Variants in DPF3 observed in about 807,000 individuals in gnomAD.
DPF3 encodes zinc finger protein DPF3.
DPF3 carries 18 observed loss-of-function variants against 56.8 expected under a neutral mutation model. The ratio of observed to expected loss-of-function variants is 0.32; its 90% CI spans 0.22 to 0.47. The LOEUF (loss-of-function observed/expected upper bound fraction) is 0.47, where lower values mean the gene tolerates loss of function less well. Ranked by LOEUF, DPF3 falls within the 20% of genes least tolerant of loss-of-function variation. The pLI, the probability that DPF3 is intolerant of heterozygous loss-of-function variation, is 1.00. For synonymous variants in DPF3, 188 were observed against 180.2 expected, an observed-to-expected ratio of 1.04 and a Z score of -0.35; for missense variants, 403 against 488.8, an observed-to-expected ratio of 0.82 and a Z score of 1.65.
At position 72,806,211 on chromosome 14, in the gene DPF3, C is replaced by G. The variant is rs142819244; in HGVS notation, c.33-34318G>C. Among the ~76,000 whole-genome samples the G allele has an allele frequency of 2.6e-5, 4 of 152,288 alleles. No individual in the cohort carries two copies. In the East Asian group the frequency reaches 7.7e-4, roughly 29 times the overall value. ...CCCGTTCCCCTCAGCTCTTAGCCAT[C>G]CTTCCTCAGATGCTACTTTTTCATA... is the stretch of plus-strand genomic sequence containing the variant. On this transcript the variant is annotated intron_variant, in intron 1 of 10. Transcript: ENST00000556509.
intron 1 of DPF3, among the ~76,000 whole-genome samples, chr14:72,852,988 A>AT (rs887171385): frequency 8.7e-5 from 13 of 149,240 alleles, no homozygotes; most frequent in African/African-American, 3.0e-4. Flanking sequence ...CCTACAGCTG[A>AT]TTTTTTTTTA....
Position 72,771,821 on chromosome 14 carries a change from G to A in DPF3, c.105C>T (p.Arg35=), listed in dbSNP as rs1233184991. The A allele has an allele frequency of 1.2e-6, 2 of 1,613,858 alleles. No individual in the cohort carries two copies. The highest frequency in any genetic ancestry group is 1.1e-5 in the South Asian group (1 of 91,064). ...AGTCCAGGAAGGGAAGACGCACGCTGCGCTCTGCACACAGCCGTGAGTTGT... is the reference window on the plus strand; with the variant it reads ...AGTCCAGGAAGGGAAGACGCACGCTACGCTCTGCACACAGCCGTGAGTTGT... ...RSYNSRLCAE[R]SVRLPFLDSQ... Residue 35 remains arginine (R), a synonymous_variant, in exon 2 of 11, where the codon CGC becomes CGT. Coordinates refer to ENST00000556509, the MANE Select transcript of DPF3 (RefSeq NM_001280542.3).
intron 7 of DPF3, among the ~76,000 whole-genome samples, chr14:72,690,027 G>T (rs567163232): frequency 6.6e-6 from 1 of 152,244 alleles, no homozygotes; most frequent in East Asian, 1.9e-4. Flanking sequence ...CCTTGGCCAG[G>T]CAAATGATCC....
At position 72,619,218 on chromosome 14, in the gene DPF3, G is replaced by A. The variant is rs11844834; in HGVS notation, c.*79C>T. 44,526 of 1,393,966 alleles carry A rather than the reference G, an allele frequency of 0.032. 1,316 individuals carry two copies. The highest frequency in any genetic ancestry group is 0.14 in the East Asian group (5,725 of 39,870). 86.3% of individuals were successfully genotyped at this position (1,393,966 alleles called of 1,614,324 possible). ...TGCAGTTGGTCTGGCTGGATATGTG[G>A]GAGGAGGGCGCGTTCTGGTTTGAAC... On this transcript the variant is annotated 3_prime_UTR_variant, in exon 11 of 11. Coordinates refer to ENST00000556509, the MANE Select transcript of DPF3 (RefSeq NM_001280542.3).
chr14:72,756,852 GAAA>G lies in DPF3; in HGVS notation c.194-3484_194-3482del, dbSNP rs1890820346. Reference sequence around the variant, plus strand: ...AGAAAGAAAGAAAGAAAGAAAGAAAGAAAGAAAGAAAGAAAGAAAGGAAGGAAA... The same window carrying G: ...AGAAAGAAAGAAAGAAAGAAAGAAAGGAAAGAAAGAAAGAAAGGAAGGAAA... On this transcript the variant is annotated intron_variant, in intron 2 of 10. Transcript: ENST00000556509. Among the ~76,000 whole-genome samples the G allele has an allele frequency of 5.7e-4, 50 of 87,200 alleles. 1 individual carries two copies. Among genetic ancestry groups the G allele is most frequent in the Middle Eastern group, 9.0e-3 (2 of 222 alleles). 57.2% of individuals were successfully genotyped at this position (87,200 alleles called of 152,430 possible). A position where few individuals can be genotyped will look rare whatever the true frequency, so the allele number is the denominator to read the frequency against.
chr14:72,672,558 G>A (rs1567196181), intron 8 of DPF3, among the ~76,000 whole-genome samples: 1 of 152,308 alleles, frequency 6.6e-6, no homozygotes, highest in Admixed American at 6.5e-5. Context: ...CTTGGCAAAT[G>A]CAGTGAGAAT....
rs373920187 is a variant in DPF3 at position 72,753,336 on chromosome 14, G to A, written c.229C>T (p.Arg77Cys). ...AATCGTCTCTTCTTGCGCCAGCAGC[G>A]GGCAGGGTATGTATACAGCTGGCCC... ...APGQLYTYPA[R>C]CWRKKRRLHP... The change falls in exon 3 of 11, where the codon CGC (arginine) becomes TGC (cysteine). Residue 77 changes from arginine to cysteine, a missense_variant. Coordinates refer to ENST00000556509, the MANE Select transcript of DPF3 (RefSeq NM_001280542.3). The A allele has an allele frequency of 3.1e-6, 5 of 1,613,140 alleles. No homozygotes were observed. The highest frequency in any genetic ancestry group is 2.7e-5 in the African/African-American group (2 of 74,904).
chr14:72,749,824 G>T lies in DPF3; in HGVS notation c.301+3440C>A, dbSNP rs116300364. 6.2e-3 allele frequency among the ~76,000 whole-genome samples: 943 copies of T among 151,682 alleles called. 12 individuals carry two copies. Among genetic ancestry groups the T allele is most frequent in the African/African-American group, 0.022 (905 of 41,302 alleles). ...GCTGTGATCGTGCCACTGCAGCCAGGGTGACAGAGTGAGACCCTGTTTAAA... is the reference window on the plus strand; with the variant it reads ...GCTGTGATCGTGCCACTGCAGCCAGTGTGACAGAGTGAGACCCTGTTTAAA... On this transcript the variant is annotated intron_variant, in intron 3 of 10. Coordinates refer to ENST00000556509, the MANE Select transcript of DPF3 (RefSeq NM_001280542.3).
chr14:72,657,805 A>G (rs1360576098), intron 8 of DPF3, among the ~76,000 whole-genome samples: 1 of 152,188 alleles, frequency 6.6e-6, no homozygotes, highest in East Asian at 1.9e-4. Flanking sequence ...TTCATGCTTC[A>G]CCCAGAGCTG....
chr14:72,723,572 C>T lies in DPF3; in HGVS notation c.525+61G>A, dbSNP rs975268599. 6.4e-5 allele frequency: 89 copies of T among 1,388,398 alleles called. No homozygotes were observed. The South Asian group carries it at 8.1e-4, about 13-fold the overall frequency. 86.0% of individuals were successfully genotyped at this position (1,388,398 alleles called of 1,614,324 possible). ...CCATCTAGCTGCAGTGGAGATCAATCGTTGGCCGGGCACCCCAGCCTCCCT... is the reference window on the plus strand; with the variant it reads ...CCATCTAGCTGCAGTGGAGATCAATTGTTGGCCGGGCACCCCAGCCTCCCT... On this transcript the variant is annotated intron_variant, in intron 5 of 10. Coordinates refer to ENST00000556509, the MANE Select transcript of DPF3 (RefSeq NM_001280542.3).
intron 7 of DPF3, among the ~76,000 whole-genome samples, chr14:72,682,795 G>GC (rs1192932765): frequency 1.3e-5 from 2 of 152,190 alleles, no homozygotes; most frequent in African/African-American, 4.8e-5. Context: ...CCAAAAGCAG[G>GC]CCGGGAAGTT....
chr14:72,745,472 T>C (rs949220332), intron 3 of DPF3, among the ~76,000 whole-genome samples: 2 of 152,178 alleles, frequency 1.3e-5, no homozygotes, highest in Admixed American at 6.5e-5. Flanking sequence ...AAAAAATATA[T>C]ACCCAATATA....
At chr14:72,845,059 C>T (rs1471671486) in intron 1 of DPF3, among the ~76,000 whole-genome samples, 2 of 152,146 alleles carry the variant, frequency 1.3e-5, no homozygotes, top group Non-Finnish European at 2.9e-5. Context: ...GAGCTATAAT[C>T]GTGCCACTGC....
At chr14:72,720,667 TATGCTGGGCCCTGGGCCAGGCATGA>T (rs1218247536) in intron 5 of DPF3, among the ~76,000 whole-genome samples, 6 of 152,236 alleles carry the variant, frequency 3.9e-5, no homozygotes, top group Non-Finnish European at 8.8e-5. Context: ...TCATTGGCTA[TATGCTGGGCCCTGGGCCAGGCATGA>T]ACTCAGAGGA....
intron 9 of DPF3, among the ~76,000 whole-genome samples, chr14:72,626,077 T>TA (rs1884810205): frequency 6.6e-6 from 1 of 152,230 alleles, no homozygotes; most frequent in Admixed American, 6.5e-5. Flanking sequence ...TCGGTATAGT[T>TA]ACATTATCTA....
intron 8 of DPF3, among the ~76,000 whole-genome samples, chr14:72,634,831 C>A (rs1402998452): frequency 6.6e-6 from 1 of 151,906 alleles, no homozygotes; most frequent in Non-Finnish European, 1.5e-5. Flanking sequence ...GGAAGACAAC[C>A]CTTCCCAGGC....
chr14:72,683,341 A>AG, intron 7 of DPF3, among the ~76,000 whole-genome samples: 1 of 151,602 alleles, frequency 6.6e-6, no homozygotes, highest in South Asian at 2.1e-4. Context: ...AAAAAAAAAA[A>AG]AAAAGCAAAT....
chr14:72,717,042 G>A (rs1331183910), intron 5 of DPF3, among the ~76,000 whole-genome samples: 3 of 152,144 alleles, frequency 2.0e-5, no homozygotes, highest in South Asian at 2.1e-4. Flanking sequence ...ATAGGTTCAC[G>A]CATTCACACG....
chr14:72,685,924 C>G (rs1887391267), intron 7 of DPF3, among the ~76,000 whole-genome samples: 1 of 152,214 alleles, frequency 6.6e-6, no homozygotes. Flanking sequence ...CCACACTTGT[C>G]TAGATTGCCC....
Sources: allele counts gnomAD v4.1 joint callset (sites outside exome capture counted in the v4.1 genomes callset), GRCh38; gene constraint gnomAD v4.1.1; transcripts MANE v1.5; gene names NCBI Gene and HGNC (gene_info 2026-07-23, HGNC 2026-07-21).